TENM4: variants seen among roughly 807,000 people sequenced by gnomAD.
TENM4 encodes the protein teneurin transmembrane protein 4, also known as teneurin-4.
A neutral mutation model predicts 243.3 loss-of-function variants in TENM4; 82 were observed. The ratio of observed to expected loss-of-function variants is 0.34; its 90% CI spans 0.28 to 0.40. The LOEUF is 0.40. Ranked by LOEUF, TENM4 falls within the 10% of genes least tolerant of loss-of-function variation. TENM4 has a pLI of 1.00. For missense variants in TENM4, 3,138 were observed against 3,673.3 expected (o/e 0.85, Z 3.77); for synonymous variants, 1,412 against 1,456.3 (o/e 0.97, Z 0.69).
At chr11:78,762,135 G>A (rs1317390230) in intron 18 of TENM4, among the ~76,000 whole-genome samples, 1 of 152,212 alleles carries the variant, frequency 6.6e-6, no homozygotes, top group African/African-American at 2.4e-5. Context: ...CTGAGCCTCA[G>A]TTCTCTGATC....
intron 10 of TENM4, among the ~76,000 whole-genome samples, chr11:78,856,903 T>C (rs1304224046): frequency 1.3e-5 from 2 of 152,184 alleles, no homozygotes; most frequent in Non-Finnish European, 2.9e-5. Flanking sequence ...ACCTGGAAAT[T>C]CCACCCAGGC....
chr11:78,729,700 G>A (rs563645449), intron 21 of TENM4, 57 bp from the exon 22 acceptor site: 2 of 1,541,854 alleles, frequency 1.3e-6, no homozygotes, highest in African/African-American at 1.4e-5. Flanking sequence ...CGAGTGGAGG[G>A]AAGATGGCGT....
intron 16 of TENM4, among the ~76,000 whole-genome samples, chr11:78,781,413 T>C (rs1856834696): frequency 6.6e-6 from 1 of 152,194 alleles, no homozygotes; most frequent in Admixed American, 6.5e-5. Flanking sequence ...TATCTCTGTG[T>C]GAAAAGCCGG....
intron 3 of TENM4, among the ~76,000 whole-genome samples, chr11:79,184,060 T>A (rs1353645428): frequency 1.3e-5 from 2 of 152,204 alleles, no homozygotes; most frequent in African/African-American, 4.8e-5. Context: ...TACATCTATG[T>A]TCACAGGAGC....
Position 78,722,805 on chromosome 11 carries a change from G to A in TENM4, c.3663C>T (p.Asn1221=), listed in dbSNP as rs181990145. The part of the protein sequence containing the change: ...RRRSISCPSC[N]GLADGNKLLA... ...GGAGCTTGTTGCCGTCAGCAAGGCC[G>A]TTGCAGCTGGGGCAGGAGATGCTTC... The change falls in exon 24 of 34, where the codon AAC becomes AAT. Residue 1221 remains asparagine, a synonymous_variant. Transcript: ENST00000278550. 1.5e-3 allele frequency: 2,412 copies of A among 1,614,036 alleles called. 11 individuals are homozygous for A. The highest frequency in any genetic ancestry group is 9.2e-3 in the Middle Eastern group (56 of 6,062).
intron 6 of TENM4, among the ~76,000 whole-genome samples, chr11:78,915,493 C>T (rs1053773904): frequency 5.3e-5 from 8 of 152,152 alleles, no homozygotes; most frequent in African/African-American, 1.9e-4. Context: ...CACTGATTCT[C>T]GAGGGGCCTG....
chr11:79,365,706 C>CA (rs1225493472), intron 1 of TENM4, among the ~76,000 whole-genome samples: 2 of 152,142 alleles, frequency 1.3e-5, no homozygotes, highest in Non-Finnish European at 2.9e-5. Context: ...ACCATGACAG[C>CA]AACAGGCACA....
chr11:79,248,920 T>G (rs1428835782), intron 2 of TENM4, among the ~76,000 whole-genome samples: 1 of 152,188 alleles, frequency 6.6e-6, no homozygotes, highest in East Asian at 1.9e-4. Flanking sequence ...GTTACCAGGT[T>G]TCTAGAAGGC....
intron 2 of TENM4, among the ~76,000 whole-genome samples, chr11:79,254,763 C>T (rs1208641408): frequency 6.6e-6 from 1 of 152,154 alleles, no homozygotes; most frequent in Admixed American, 6.5e-5. Context: ...GAGTCACATA[C>T]ACAAGCAGCT....
intron 9 of TENM4, 82 bp downstream of exon 9, chr11:78,889,703 G>A: frequency 1.4e-6 from 2 of 1,410,782 alleles, no homozygotes; most frequent in Non-Finnish European, 1.9e-6. Context: ...CTAGTAAGGA[G>A]CCTTCAGTGC....
At chr11:78,784,919 C>A (rs1053773191) in intron 16 of TENM4, among the ~76,000 whole-genome samples, 4 of 152,198 alleles carry the variant, frequency 2.6e-5, no homozygotes, top group Admixed American at 2.6e-4. Flanking sequence ...AGATGAGATG[C>A]GTTTATCTTA....
chr11:79,229,765 A>G (rs1171666005), intron 2 of TENM4, among the ~76,000 whole-genome samples: 1 of 152,200 alleles, frequency 6.6e-6, no homozygotes, highest in Non-Finnish European at 1.5e-5. Context: ...TGCTTGACAC[A>G]CAGCAGGCAC....
At chr11:79,214,810 C>A (rs1320828971) in intron 3 of TENM4, among the ~76,000 whole-genome samples, 2 of 152,238 alleles carry the variant, frequency 1.3e-5, no homozygotes, top group African/African-American at 4.8e-5. Flanking sequence ...GGCCAATCAT[C>A]CAGGTCGTAC....
At chr11:78,763,579 T>C (rs1856478062) in intron 18 of TENM4, among the ~76,000 whole-genome samples, 1 of 152,174 alleles carries the variant, frequency 6.6e-6, no homozygotes, top group Admixed American at 6.5e-5. Context: ...CTCACTGAGA[T>C]CCCTCTTTGA....
At chr11:78,827,499 T>TTATTTATC (rs1301727432) in intron 12 of TENM4, among the ~76,000 whole-genome samples, 1 of 151,840 alleles carries the variant, frequency 6.6e-6, no homozygotes, top group Non-Finnish European at 1.5e-5. Flanking sequence ...ATTTATTTAT[T>TTATTTATC]TATTTATTTG....
At chr11:78,665,671 C>T (rs1033733667) in intron 32 of TENM4, among the ~76,000 whole-genome samples, 1 of 152,220 alleles carries the variant, frequency 6.6e-6, no homozygotes, top group African/African-American at 2.4e-5. Flanking sequence ...TCCAGCCTTG[C>T]CACTTCTTAG....
At chr11:79,191,925 GC>G (rs1226412353) in intron 3 of TENM4, 1 of 163,156 alleles carries the variant, frequency 6.1e-6, no homozygotes, top group Non-Finnish European at 1.3e-5. Flanking sequence ...GAGCGTCTCC[GC>G]CCCCCATCCA....
intron 6 of TENM4, among the ~76,000 whole-genome samples, chr11:79,024,551 T>A (rs761384199): frequency 6.6e-6 from 1 of 152,210 alleles, no homozygotes; most frequent in Admixed American, 6.5e-5. Context: ...AAATCAGATA[T>A]ATGGCCTTGT....
Position 78,712,133 on chromosome 11 carries a change from A to G in TENM4, c.4054+349T>C, listed in dbSNP as rs1859412720. Among the ~76,000 whole-genome samples, 7 of 152,348 alleles carry G rather than the reference A, an allele frequency of 4.6e-5. No individual in the cohort carries two copies. In the South Asian group the frequency reaches 1.2e-3, roughly 27 times the overall value. ...GGACTGGGACATCCATTTGCTGGAA[A>G]ACTATATAGTCATTAAAAATGAGTA... is the stretch of plus-strand genomic sequence containing the variant. On this transcript the variant is annotated intron_variant, in intron 26 of 33. Transcript: ENST00000278550.
Sources: allele counts gnomAD v4.1 joint callset (sites outside exome capture counted in the v4.1 genomes callset), GRCh38; gene constraint gnomAD v4.1.1; transcripts MANE v1.5; gene names NCBI Gene and HGNC (gene_info 2026-07-23, HGNC 2026-07-21).